KCNQ3: variants seen among roughly 807,000 people sequenced by gnomAD.
KCNQ3 encodes the protein potassium voltage-gated channel subfamily Q member 3.
KCNQ3 carries 30 observed loss-of-function variants against 92.5 expected under a neutral mutation model. That is an observed-to-expected ratio of 0.32 (90% CI 0.24 to 0.44). The LOEUF (loss-of-function observed/expected upper bound fraction) is 0.44. Among genes scored for constraint, KCNQ3 ranks in the 20% least tolerant of loss-of-function variants. The pLI is 1.00. For synonymous variants in KCNQ3, 450 were observed against 468.8 expected (o/e 0.96, Z 0.52); for missense variants, 913 against 1,140.3 (o/e 0.80, Z 2.87).
intron 1 of KCNQ3, among the ~76,000 whole-genome samples, chr8:132,285,007 C>T (rs1816637851): frequency 6.6e-6 from 1 of 152,152 alleles, no homozygotes; most frequent in Admixed American, 6.5e-5. Context: ...ACTTCCCAAC[C>T]TCTAGAACTA....
intron 1 of KCNQ3, among the ~76,000 whole-genome samples, chr8:132,413,438 C>A (rs1820708361): frequency 6.6e-6 from 1 of 152,218 alleles, no homozygotes; most frequent in African/African-American, 2.4e-5. Context: ...AGTCGCCTTT[C>A]AGTCAGCAGT....
At chr8:132,474,743 C>T (rs190808750) in intron 1 of KCNQ3, among the ~76,000 whole-genome samples, 79 of 152,228 alleles carry the variant, frequency 5.2e-4, no homozygotes, top group Non-Finnish European at 8.4e-4. Flanking sequence ...GCAGCTCCCA[C>T]TCTCAAGTAG....
chr8:132,403,974 G>T (rs149052130), intron 1 of KCNQ3, among the ~76,000 whole-genome samples: 4 of 152,184 alleles, frequency 2.6e-5, no homozygotes, highest in African/African-American at 9.7e-5. Flanking sequence ...TCTCTCCAGG[G>T]CTCATCCTGA....
chr8:132,172,619 C>T lies in KCNQ3; in HGVS notation c.1119G>A (p.Lys373=), dbSNP rs148581537. Residue 373 remains lysine (K), a synonymous_variant, in exon 7 of 15, where the codon AAG becomes AAA. Coordinates refer to ENST00000388996, the MANE Select transcript of KCNQ3 (RefSeq NM_004519.4). ...AGACCTGAATGAGCTCAGCAGCTGG[C>T]TTCCTCCTTTTCTCAAAGTGCTTCT... ...HRQKHFEKRR[K]PAAELIQAAW... is the part of the protein sequence containing the mutation. The T allele has an allele frequency of 4.3e-6, 7 of 1,614,022 alleles. No individual in the cohort carries two copies. In the African/African-American group the frequency reaches 9.3e-5, roughly 22 times the overall value.
intron 1 of KCNQ3, among the ~76,000 whole-genome samples, chr8:132,374,097 AG>A (rs767247553): frequency 3.3e-5 from 5 of 152,218 alleles, no homozygotes; most frequent in Non-Finnish European, 5.9e-5. Context: ...CCTCCTGTCA[AG>A]GAGGCCACTT....
At chr8:132,221,054 A>G (rs1812987248) in intron 1 of KCNQ3, among the ~76,000 whole-genome samples, 2 of 152,146 alleles carry the variant, frequency 1.3e-5, no homozygotes, top group Admixed American at 1.3e-4. Context: ...CCTATGAGTG[A>G]GAACATGCAG....
At chr8:132,366,090 T>C (rs1014680719) in intron 1 of KCNQ3, among the ~76,000 whole-genome samples, 2 of 152,184 alleles carry the variant, frequency 1.3e-5, no homozygotes, top group African/African-American at 4.8e-5. Flanking sequence ...AATTGACACC[T>C]TTATCTTGCT....
At chr8:132,222,647 T>C (rs1814275243) in intron 1 of KCNQ3, among the ~76,000 whole-genome samples, 1 of 152,170 alleles carries the variant, frequency 6.6e-6, no homozygotes. Flanking sequence ...AAAGAGGACA[T>C]CAGGCTGGAA....
chr8:132,224,043 G>A lies in KCNQ3; in HGVS notation c.387-37862C>T, dbSNP rs1814322249. Among the ~76,000 whole-genome samples the A allele has an allele frequency of 2.1e-5, 3 of 140,478 alleles. No homozygotes were observed. In the Admixed American group the frequency reaches 2.2e-4, roughly 10 times the overall value. 92.2% of individuals were successfully genotyped at this position (140,478 alleles called of 152,430 possible). On this transcript the variant is annotated intron_variant, in intron 1 of 14. Coordinates refer to ENST00000388996, the MANE Select transcript of KCNQ3 (RefSeq NM_004519.4). ...CAATCTTCCTGCCTCAGCCTCTCAAGTAGCTGAGACTACAGACACACACCA... is the reference window on the plus strand; with the variant it reads ...CAATCTTCCTGCCTCAGCCTCTCAAATAGCTGAGACTACAGACACACACCA...
chr8:132,137,532 A>G (rs1375675027), intron 12 of KCNQ3, among the ~76,000 whole-genome samples: 1 of 152,234 alleles, frequency 6.6e-6, no homozygotes, highest in African/African-American at 2.4e-5. Context: ...AAATATGGTA[A>G]AGAATTGTAT....
At chr8:132,216,539 C>A (rs531509047) in intron 1 of KCNQ3, among the ~76,000 whole-genome samples, 76 of 152,312 alleles carry the variant, frequency 5.0e-4, no homozygotes, top group Non-Finnish European at 9.8e-4. Context: ...TGCGTTGGAA[C>A]CAATTCCACT....
chr8:132,173,369 G>C (rs1315519438), intron 6 of KCNQ3, among the ~76,000 whole-genome samples: 2 of 152,114 alleles, frequency 1.3e-5, no homozygotes, highest in East Asian at 3.8e-4. Flanking sequence ...GACAAGGTAG[G>C]GCTGCAAATA....
chr8:132,341,517 T>G (rs1391848793), intron 1 of KCNQ3, among the ~76,000 whole-genome samples: 1 of 152,214 alleles, frequency 6.6e-6, no homozygotes, highest in African/African-American at 2.4e-5. Flanking sequence ...CATCTGTGAG[T>G]GCCTTCTCGT....
At chr8:132,441,941 G>A (rs540962851) in intron 1 of KCNQ3, among the ~76,000 whole-genome samples, 1 of 152,250 alleles carries the variant, frequency 6.6e-6, no homozygotes, top group Admixed American at 6.5e-5. Context: ...GGATGGAGCT[G>A]GAGGCCATTA....
At chr8:132,135,163 C>T (rs1825041179) in intron 12 of KCNQ3, among the ~76,000 whole-genome samples, 2 of 152,194 alleles carry the variant, frequency 1.3e-5, no homozygotes, top group South Asian at 4.1e-4. Flanking sequence ...TAAGTGAGAA[C>T]ACGCTGTATA....
chr8:132,351,311 G>A (rs1180983979), intron 1 of KCNQ3, among the ~76,000 whole-genome samples: 3 of 152,184 alleles, frequency 2.0e-5, no homozygotes, highest in Non-Finnish European at 2.9e-5. Context: ...GTTTGTGTGT[G>A]ACCTCAAAGA....
chr8:132,264,594 T>C (rs1815918899), intron 1 of KCNQ3, among the ~76,000 whole-genome samples: 2 of 152,198 alleles, frequency 1.3e-5, no homozygotes, highest in Non-Finnish European at 2.9e-5. Flanking sequence ...TAGGACTTCA[T>C]AAAACACGAC....
At chr8:132,297,456 A>C (rs7818112) in intron 1 of KCNQ3, among the ~76,000 whole-genome samples, 83,336 of 151,984 alleles carry the variant, frequency 0.55, 23,681 homozygotes, top group East Asian at 0.78. Context: ...ATTCTATTTA[A>C]AACTCTGATT....
At chr8:132,213,812 A>G (rs1295421236) in intron 1 of KCNQ3, among the ~76,000 whole-genome samples, 1 of 152,222 alleles carries the variant, frequency 6.6e-6, no homozygotes, top group Non-Finnish European at 1.5e-5. Context: ...CGGGGCTCTA[A>G]TGGGAACTGA....
Sources: allele counts gnomAD v4.1 joint callset (sites outside exome capture counted in the v4.1 genomes callset), GRCh38; gene constraint gnomAD v4.1.1; transcripts MANE v1.5; gene names NCBI Gene and HGNC (gene_info 2026-07-23, HGNC 2026-07-21).